The following PTCHD4 variants were observed in gnomAD, a reference collection of about 807,000 sequenced individuals.
PTCHD4 encodes patched domain containing 4.
PTCHD4 carries 33 observed loss-of-function variants against 58.1 expected under a neutral mutation model. The observed-to-expected ratio is 0.57, with a 90% CI of 0.43 to 0.76. The LOEUF (loss-of-function observed/expected upper bound fraction) is 0.76. PTCHD4 is among the 30% of genes least tolerant of loss of function. The pLI is 0.00. For missense variants in PTCHD4, 1,058 were observed against 1,027.1 expected (o/e 1.03, Z -0.41); for synonymous variants, 478 against 409.6 (o/e 1.17, Z -2.02).
At chr6:47,980,315 T>C (rs1469282497) in intron 4 of PTCHD4, among the ~76,000 whole-genome samples, 6 of 152,240 alleles carry the variant, frequency 3.9e-5, no homozygotes, top group African/African-American at 1.4e-4. Context: ...AATTTTTATT[T>C]AGTCATGGAA....
intron 4 of PTCHD4, among the ~76,000 whole-genome samples, chr6:47,979,288 A>G (rs1040220980): frequency 3.3e-5 from 5 of 152,276 alleles, no homozygotes; most frequent in South Asian, 2.1e-4. Flanking sequence ...TAAAAAGTCA[A>G]TGAGTGACAC....
At position 47,875,641 on chromosome 6, in the gene PTCHD4, A is replaced by G. The variant is rs1763827732; in HGVS notation, c.*2662T>C. Among the ~76,000 whole-genome samples, 2 of 151,972 alleles carry G rather than the reference A, an allele frequency of 1.3e-5. No individual in the cohort carries two copies. Among genetic ancestry groups the G allele is most frequent in the South Asian group, 4.1e-4 (2 of 4,826 alleles). On this transcript the variant is annotated 3_prime_UTR_variant, in exon 5 of 5. Coordinates refer to ENST00000339488, the MANE Select transcript of PTCHD4 (RefSeq NM_001384253.1). ...CTCGAACAATGAGAAATTCATATTT[A>G]TCTTAGACACTTTGATCCTTGAAGA...
intron 4 of PTCHD4, among the ~76,000 whole-genome samples, chr6:47,979,856 C>T (rs1188076721): frequency 6.6e-6 from 1 of 151,962 alleles, no homozygotes; most frequent in Non-Finnish European, 1.5e-5. Flanking sequence ...ATAAAATTGA[C>T]CACTGCTCAT....
intron 1 of PTCHD4, among the ~76,000 whole-genome samples, chr6:48,106,795 A>G (rs1335914903): frequency 6.6e-6 from 1 of 152,228 alleles, no homozygotes; most frequent in Non-Finnish European, 1.5e-5. Context: ...AAGGATTCTT[A>G]TACATCAATA....
At chr6:47,994,653 C>T (rs949741946) in intron 4 of PTCHD4, among the ~76,000 whole-genome samples, 2 of 152,162 alleles carry the variant, frequency 1.3e-5, no homozygotes, top group African/African-American at 4.8e-5. Flanking sequence ...ATGAAACAGC[C>T]TTGTGTATTT....
chr6:48,027,502 T>A (rs1322642378), intron 3 of PTCHD4, among the ~76,000 whole-genome samples: 2 of 152,154 alleles, frequency 1.3e-5, no homozygotes, highest in African/African-American at 4.8e-5. Context: ...AGTTATAATA[T>A]GTCTACCTTA....
chr6:48,073,371 G>A (rs925212372), intron 1 of PTCHD4, among the ~76,000 whole-genome samples: 1 of 152,150 alleles, frequency 6.6e-6, no homozygotes, highest in Non-Finnish European at 1.5e-5. Context: ...TTACTTCCTA[G>A]ATGTTTTAAA....
intron 3 of PTCHD4, among the ~76,000 whole-genome samples, chr6:48,052,286 C>T (rs1397823881): frequency 1.3e-5 from 2 of 151,258 alleles, no homozygotes; most frequent in African/African-American, 4.9e-5. Context: ...GATTTTTAGT[C>T]AGAGAGGTGA....
chr6:48,050,597 G>A (rs1764197723), intron 3 of PTCHD4, among the ~76,000 whole-genome samples: 1 of 152,008 alleles, frequency 6.6e-6, no homozygotes, highest in South Asian at 2.1e-4. Flanking sequence ...TCTAAGGGCT[G>A]TTGGTGACAA....
At chr6:48,004,903 C>A (rs868811779) in intron 4 of PTCHD4, among the ~76,000 whole-genome samples, 1 of 151,746 alleles carries the variant, frequency 6.6e-6, no homozygotes, top group Non-Finnish European at 1.5e-5. Flanking sequence ...GGTGACAGAG[C>A]GAGACTTCAT....
chr6:47,908,832 T>G (rs1480425248), intron 4 of PTCHD4, among the ~76,000 whole-genome samples: 1 of 152,200 alleles, frequency 6.6e-6, no homozygotes, highest in Non-Finnish European at 1.5e-5. Flanking sequence ...ATATTCATTT[T>G]AATAAAATTC....
At chr6:47,944,458 C>A (rs1766344601) in intron 4 of PTCHD4, among the ~76,000 whole-genome samples, 1 of 151,998 alleles carries the variant, frequency 6.6e-6, no homozygotes. Context: ...ATATCAACAG[C>A]AGAGCAGATG....
intron 1 of PTCHD4, among the ~76,000 whole-genome samples, chr6:48,104,809 C>T (rs1376034814): frequency 2.6e-5 from 4 of 152,064 alleles, no homozygotes; most frequent in East Asian, 3.9e-4. Flanking sequence ...ATCCTAGTCT[C>T]GGATAAAACA....
intron 4 of PTCHD4, among the ~76,000 whole-genome samples, chr6:47,936,381 T>C (rs1765999876): frequency 6.6e-6 from 1 of 152,232 alleles, no homozygotes; most frequent in Non-Finnish European, 1.5e-5. Context: ...TCAGTTTAGA[T>C]GGTAAATTTT....
intron 4 of PTCHD4, among the ~76,000 whole-genome samples, chr6:47,898,575 C>T (rs1401059615): frequency 3.3e-5 from 5 of 152,050 alleles, no homozygotes; most frequent in Non-Finnish European, 7.4e-5. Context: ...TACATGATAC[C>T]ACTCACATTT....
At chr6:48,065,003 A>G (rs1291124588) in intron 3 of PTCHD4, among the ~76,000 whole-genome samples, 1 of 152,120 alleles carries the variant, frequency 6.6e-6, no homozygotes, top group Non-Finnish European at 1.5e-5. Context: ...CTAAGCCTCT[A>G]TTTGGAATTC....
In PTCHD4 at chr6:48,008,737, C is replaced by A. The variant is rs370829343; in HGVS notation, c.795G>T (p.Gly265=). Reference sequence around the variant, plus strand: ...TGATGGAGATGCATACTGTGAGCACCCCCAGGAGGCCCAGGAAGGGCTTAC... The same window carrying A: ...TGATGGAGATGCATACTGTGAGCACACCCAGGAGGCCCAGGAAGGGCTTAC... ...LRSKPFLGLL[G]VLTVCISIIT... The change falls in exon 4 of 5, where the codon GGG becomes GGT. Residue 265 remains glycine, a synonymous_variant. Coordinates refer to ENST00000339488, the MANE Select transcript of PTCHD4 (RefSeq NM_001384253.1). 66 of 1,613,886 alleles carry A rather than the reference C, an allele frequency of 4.1e-5. No homozygotes were observed. The highest frequency in any genetic ancestry group is 1.4e-4 in the South Asian group (13 of 91,062).
chr6:47,901,909 A>T (rs1226255547), intron 4 of PTCHD4: 1 of 1,303,654 alleles, frequency 7.7e-7, no homozygotes, highest in Admixed American at 2.3e-5. Flanking sequence ...ATTTGTTTCT[A>T]GCTTGAGGTA....
chr6:47,939,958 T>C (rs1029340158), intron 4 of PTCHD4, among the ~76,000 whole-genome samples: 1 of 152,086 alleles, frequency 6.6e-6, no homozygotes, highest in African/African-American at 2.4e-5. Flanking sequence ...AATTTTAAGA[T>C]CTGACTCCCC....
Sources: allele counts gnomAD v4.1 joint callset (sites outside exome capture counted in the v4.1 genomes callset), GRCh38; gene constraint gnomAD v4.1.1; transcripts MANE v1.5; gene names NCBI Gene and HGNC (gene_info 2026-07-23, HGNC 2026-07-21).